Variants in PRICKLE2 observed in about 807,000 individuals in gnomAD.
The protein encoded by PRICKLE2 is prickle-like protein 2.
PRICKLE2 carries 21 observed loss-of-function variants against 81.4 expected under a neutral mutation model. The observed-to-expected ratio is 0.26, with a 90% CI of 0.18 to 0.37. PRICKLE2 has a LOEUF of 0.37. Ranked by LOEUF, PRICKLE2 falls within the 10% of genes least tolerant of loss-of-function variation. The pLI, the probability that PRICKLE2 is intolerant of heterozygous loss-of-function variation, is 1.00. For synonymous variants in PRICKLE2, 456 were observed against 421.5 expected (o/e 1.08, Z -1.00); for missense variants, 940 against 1,109.0 (o/e 0.85, Z 2.16).
chr3:64,213,438 AC>A, intron 1 of PRICKLE2, among the ~76,000 whole-genome samples: 1 of 152,302 alleles, frequency 6.6e-6, no homozygotes, highest in East Asian at 1.9e-4. Context: ...TAAATTAATG[AC>A]CTGTCGGATG....
Position 64,099,252 on chromosome 3 carries a change from G to A in PRICKLE2, c.2334C>T (p.Cys778=). Residue 778 remains cysteine (C), a synonymous_variant, in exon 8 of 8, where the codon TGC becomes TGT. Coordinates refer to ENST00000638394, the MANE Select transcript of PRICKLE2 (RefSeq NM_198859.4). This position sits in a 1 kb window ranked among gnomAD's most constrained non-coding sequence, Gnocchi z 4.3. ...YFAEYDWCST[C]SSSSESDNEG... ...CGTTGTCAGACTCTGAAGAGGAGGA[G>A]CAGGTGGAACACCAATCATACTCGG... The A allele has an allele frequency of 1.2e-6, 2 of 1,614,210 alleles. No homozygotes were observed. Among genetic ancestry groups the A allele is most frequent in the Non-Finnish European group, 1.7e-6 (2 of 1,180,030 alleles).
chr3:64,162,624 A>G (rs1263481292), intron 3 of PRICKLE2, among the ~76,000 whole-genome samples: 1 of 152,218 alleles, frequency 6.6e-6, no homozygotes, highest in Non-Finnish European at 1.5e-5. Flanking sequence ...AAAATTCAGG[A>G]GAGTCACAAA....
At chr3:64,263,016 A>T (rs1445282167) in intron 2 of PRICKLE2, among the ~76,000 whole-genome samples, 1 of 152,178 alleles carries the variant, frequency 6.6e-6, no homozygotes, top group Non-Finnish European at 1.5e-5. Context: ...AACATGCAAC[A>T]TCAAGCCTCA....
chr3:64,185,312 T>C (rs1293986497), intron 2 of PRICKLE2, among the ~76,000 whole-genome samples: 3 of 152,126 alleles, frequency 2.0e-5, no homozygotes, highest in Admixed American at 2.0e-4. Context: ...CTGCTAGAAT[T>C]TTTGGTATCT....
chr3:64,151,914 A>C (rs897178008), intron 6 of PRICKLE2, among the ~76,000 whole-genome samples: 7 of 152,160 alleles, frequency 4.6e-5, no homozygotes, highest in African/African-American at 1.2e-4. Flanking sequence ...ATTTGCCATC[A>C]CCTAAGCCCC....
intron 1 of PRICKLE2, among the ~76,000 whole-genome samples, chr3:64,209,972 G>A (rs2078759046): frequency 6.6e-6 from 1 of 152,166 alleles, no homozygotes; most frequent in Admixed American, 6.5e-5. Context: ...GAGAAGAAGT[G>A]AGCACACAGG....
intron 2 of PRICKLE2, chr3:64,190,452 T>C (rs2078312542): frequency 6.6e-6 from 1 of 152,234 alleles, no homozygotes; most frequent in African/African-American, 2.4e-5. Flanking sequence ...TCTAATTATT[T>C]GTCTTTACTC....
intron 7 of PRICKLE2, 38 bp downstream of exon 7, chr3:64,146,792 C>T (rs1238777462): frequency 1.2e-6 from 2 of 1,611,962 alleles, no homozygotes; most frequent in East Asian, 2.2e-5. Flanking sequence ...CCAGAGACTA[C>T]CCCCTTTCTA....
At chr3:64,199,153 T>A (rs747580154) in intron 1 of PRICKLE2, 186 bp from the exon 2 acceptor site, 4 of 635,342 alleles carry the variant, frequency 6.3e-6, no homozygotes, top group African/African-American at 3.6e-5. Context: ...GGTACACGCA[T>A]GTGAAAACAG....
At chr3:64,109,022 C>T (rs933405266) in intron 7 of PRICKLE2, among the ~76,000 whole-genome samples, 5 of 152,058 alleles carry the variant, frequency 3.3e-5, no homozygotes, top group African/African-American at 7.2e-5. Context: ...AACTGAGGAC[C>T]GCTGCTCTAA....
At chr3:64,173,426 T>C (rs944697716) in intron 2 of PRICKLE2, among the ~76,000 whole-genome samples, 1 of 152,176 alleles carries the variant, frequency 6.6e-6, no homozygotes, top group Non-Finnish European at 1.5e-5. Context: ...ATAAATTAAA[T>C]AGGAAGTGAT....
intron 2 of PRICKLE2, among the ~76,000 whole-genome samples, chr3:64,241,202 A>G (rs1222895221): frequency 1.3e-5 from 2 of 152,152 alleles, no homozygotes; most frequent in Non-Finnish European, 2.9e-5. Context: ...TAGTTTCCCA[A>G]CTCTCTACCT....
At chr3:64,222,609 C>T (rs769548365) in intron 1 of PRICKLE2, among the ~76,000 whole-genome samples, 1 of 152,102 alleles carries the variant, frequency 6.6e-6, no homozygotes, top group Non-Finnish European at 1.5e-5. Context: ...GGCAGGCAGG[C>T]AGGGGAGGGC....
At chr3:64,129,793 G>T (rs1228483791) in intron 7 of PRICKLE2, among the ~76,000 whole-genome samples, 1 of 152,144 alleles carries the variant, frequency 6.6e-6, no homozygotes, top group African/African-American at 2.4e-5. Context: ...TGCCACAGGG[G>T]CTGGAGAGGT....
At chr3:64,156,799 A>G (rs975672418) in intron 5 of PRICKLE2, among the ~76,000 whole-genome samples, 2 of 152,216 alleles carry the variant, frequency 1.3e-5, no homozygotes, top group African/African-American at 4.8e-5. Context: ...GTGGCACTCC[A>G]TTACTGATTA....
chr3:64,178,977 TTCTTTC>T (rs1372049704), intron 2 of PRICKLE2, among the ~76,000 whole-genome samples: 1 of 112,722 alleles, frequency 8.9e-6, no homozygotes, highest in Non-Finnish European at 1.9e-5. Context: ...CTTTCTTTCT[TTCTTTC>T]TTTCTTTCTT....
intron 2 of PRICKLE2, among the ~76,000 whole-genome samples, chr3:64,178,524 G>A (rs138011539): frequency 3.8e-4 from 58 of 152,250 alleles, no homozygotes; most frequent in Middle Eastern, 3.4e-3. Context: ...AACTTTAAAC[G>A]GACTGAGAAA....
At chr3:64,260,641 G>A (rs1301946865) in intron 2 of PRICKLE2, among the ~76,000 whole-genome samples, 5 of 152,164 alleles carry the variant, frequency 3.3e-5, no homozygotes. Context: ...CTCGTCCGGG[G>A]AAGGACATCC....
At chr3:64,101,203 T>C (rs986823891) in intron 7 of PRICKLE2, 3 of 152,224 alleles carry the variant, frequency 2.0e-5, no homozygotes, top group African/African-American at 7.2e-5. Context: ...TCACTCTTGA[T>C]TATATATTCA....
Sources: allele counts gnomAD v4.1 joint callset (sites outside exome capture counted in the v4.1 genomes callset), GRCh38; gene constraint gnomAD v4.1.1; non-coding constraint Gnocchi (gnomAD v3.1); transcripts MANE v1.5; gene names NCBI Gene and HGNC (gene_info 2026-07-23, HGNC 2026-07-21).